The following CRYBB1 variants were observed in gnomAD, a reference collection of about 807,000 sequenced individuals.
CRYBB1 encodes the protein beta-crystallin B1.
CRYBB1 carries 16 observed loss-of-function variants against 29.5 expected under a neutral mutation model. That is an observed-to-expected ratio of 0.54 (90% CI 0.37 to 0.82). The LOEUF is 0.82. CRYBB1 is among the 40% of genes least tolerant of loss of function. The probability of loss-of-function intolerance (pLI) is 0.00; values close to 1 mark genes in which losing one functional copy is unlikely to be tolerated. For missense variants in CRYBB1, 300 were observed against 350.5 expected (o/e 0.86, Z 1.15); for synonymous variants, 127 against 136.7 (o/e 0.93, Z 0.49).
chr22:26,606,347 A>G (rs1434629548), intron 4 of CRYBB1, among the ~76,000 whole-genome samples: 1 of 152,256 alleles, frequency 6.6e-6, no homozygotes, highest in African/African-American at 2.4e-5. Flanking sequence ...ATATAATGAT[A>G]TCAATGCATT....
chr22:26,600,686 T>C (rs1187679572), intron 5 of CRYBB1, among the ~76,000 whole-genome samples: 1 of 152,256 alleles, frequency 6.6e-6, no homozygotes, highest in Non-Finnish European at 1.5e-5. Context: ...ATAGAAGTTA[T>C]CATCAGTGAT....
chr22:26,605,790 C>T (rs1016103501), intron 4 of CRYBB1, among the ~76,000 whole-genome samples: 3 of 150,704 alleles, frequency 2.0e-5, no homozygotes, highest in Non-Finnish European at 4.4e-5. Flanking sequence ...TCTAACTTCC[C>T]ACGACAGGGG....
At chr22:26,613,372 C>A (rs1447087288) in intron 2 of CRYBB1, among the ~76,000 whole-genome samples, 6 of 152,200 alleles carry the variant, frequency 3.9e-5, no homozygotes, top group Admixed American at 3.9e-4. Flanking sequence ...AAGAGAAACT[C>A]CTGTATGTGT....
chr22:26,616,125 C>T lies in CRYBB1; in HGVS notation c.180+15G>A, dbSNP rs2145972913. ...GAAGGCATGGCACCCAGCCACTGCA[C>T]CCCCAGGTCCTTACCCTGTAGTTCC... On this transcript the variant is annotated intron_variant, in intron 2 of 5. Transcript: ENST00000647684. 7 of 1,611,400 alleles carry T rather than the reference C, an allele frequency of 4.3e-6. No homozygotes were observed. In the Middle Eastern group the frequency reaches 8.3e-4, roughly 190 times the overall value.
intron 3 of CRYBB1, among the ~76,000 whole-genome samples, chr22:26,611,449 AGTTTGTTTTTTTTTTTTTT>A (rs1191443158): frequency 2.7e-5 from 4 of 146,232 alleles, no homozygotes; most frequent in Non-Finnish European, 6.0e-5. Flanking sequence ...AATGGGCTAG[AGTTTGTTTTTTTTTTTTTT>A]GTTTTTTTTT....
chr22:26,609,298 T>A (rs1929084424), intron 3 of CRYBB1, among the ~76,000 whole-genome samples: 1 of 152,206 alleles, frequency 6.6e-6, no homozygotes, highest in Non-Finnish European at 1.5e-5. Context: ...ATTAAAGATA[T>A]GTTTGTCTTC....
At position 26,599,556 on chromosome 22, in the gene CRYBB1, G is replaced by A. The variant is rs1483753353; in HGVS notation, c.693C>T (p.Arg231=). The A allele has an allele frequency of 6.2e-7, 1 of 1,614,180 alleles. No individual in the cohort carries two copies. Among genetic ancestry groups the A allele is most frequent in the East Asian group, 2.2e-5 (1 of 44,888 alleles). ...CGAGGTGCCACTGCTTGTCACGCAG[G>A]CGACGCAGGGACTGCATCTGTGGCT... ...AFQPQMQSLR[R]LRDKQWHLEG... is the part of the protein sequence containing the mutation. Residue 231 remains arginine, a synonymous_variant, in exon 6 of 6, where the codon CGC becomes CGT. Transcript: ENST00000647684.
intron 2 of CRYBB1, among the ~76,000 whole-genome samples, chr22:26,615,500 C>T (rs1929315565): frequency 6.6e-6 from 1 of 151,822 alleles, no homozygotes; most frequent in Admixed American, 6.6e-5. Context: ...ACTATAGGTC[C>T]CCTTTTTCTT....
chr22:26,607,527 A>G (rs1929015820), intron 4 of CRYBB1, among the ~76,000 whole-genome samples: 1 of 146,180 alleles, frequency 6.8e-6, no homozygotes, highest in Non-Finnish European at 1.5e-5. Context: ...ACTGTACACC[A>G]GGCTGGGGGA....
chr22:26,606,825 T>C (rs1569205128), intron 4 of CRYBB1, among the ~76,000 whole-genome samples: 1 of 152,202 alleles, frequency 6.6e-6, no homozygotes, highest in Non-Finnish European at 1.5e-5. Context: ...CTAACATTGG[T>C]GAGTAAGATG....
At chr22:26,615,341 T>C (rs1929309587) in intron 2 of CRYBB1, among the ~76,000 whole-genome samples, 3 of 152,148 alleles carry the variant, frequency 2.0e-5, no homozygotes, top group Non-Finnish European at 4.4e-5. Context: ...GCTGGTTCCC[T>C]GCTGCTAAGC....
chr22:26,601,393 A>G (rs1928814329), intron 5 of CRYBB1, among the ~76,000 whole-genome samples: 1 of 152,080 alleles, frequency 6.6e-6, no homozygotes, highest in Non-Finnish European at 1.5e-5. Context: ...CTAGCTGGCA[A>G]GACTGAGAGG....
rs963521060 is a variant in CRYBB1 at position 26,601,970 on chromosome 22, T to C, written c.484A>G (p.Asn162Asp). Residue 162 changes from asparagine to aspartate, a missense_variant, in exon 5 of 6, where the codon AAC (asparagine) becomes GAC (aspartate). Coordinates refer to ENST00000647684, the MANE Select transcript of CRYBB1 (RefSeq NM_001887.4). Reference sequence around the variant, plus strand: ...TCGTCCCCCTGGATCTCTATGGTGTTGCCCTTGAAGTTGGCCCCTTCAAAC... The same window carrying C: ...TCGTCCCCCTGGATCTCTATGGTGTCGCCCTTGAAGTTGGCCCCTTCAAAC... ...SLFEGANFKG[N>D]TIEIQGDDAP... 4.3e-6 allele frequency: 7 copies of C among 1,613,734 alleles called. No homozygotes were observed. Among genetic ancestry groups the C allele is most frequent in the Non-Finnish European group, 5.9e-6 (7 of 1,179,904 alleles).
chr22:26,602,986 G>A (rs563011338), intron 4 of CRYBB1, among the ~76,000 whole-genome samples: 22 of 151,826 alleles, frequency 1.4e-4, no homozygotes, highest in Non-Finnish European at 2.4e-4. Context: ...TTAGCCGGGC[G>A]TGGTGGTGGG....
chr22:26,612,088 T>C lies in CRYBB1; in HGVS notation c.283A>G (p.Ile95Val), dbSNP rs757482327. The C allele has an allele frequency of 1.2e-6, 2 of 1,612,954 alleles. No homozygotes were observed. Among genetic ancestry groups the C allele is most frequent in the African/African-American group, 1.3e-5 (1 of 74,850 alleles). The change falls in exon 3 of 6, where the codon ATT becomes GTT. Residue 95 changes from isoleucine (I) to valine (V), a missense_variant. By Grantham distance (29) the Ile-to-Val change is conservative. Coordinates refer to ENST00000647684, the MANE Select transcript of CRYBB1 (RefSeq NM_001887.4). ...AGTACTCACGGTCCCGCGGAGACAA[T>C]GATGCTGCGCACACGGTCGAAGCCA... is the stretch of plus-strand genomic sequence containing the variant. ...DRGFDRVRSIIVSAGPWVAFE... is the reference protein window; with the variant it reads ...DRGFDRVRSIVVSAGPWVAFE...
chr22:26,614,158 G>A (rs1929268794), intron 2 of CRYBB1, among the ~76,000 whole-genome samples: 1 of 152,176 alleles, frequency 6.6e-6, no homozygotes, highest in South Asian at 2.1e-4. Flanking sequence ...CCGGTCCTGT[G>A]ATCCTGTGAT....
At chr22:26,611,015 C>T (rs1196361121) in intron 3 of CRYBB1, among the ~76,000 whole-genome samples, 1 of 152,180 alleles carries the variant, frequency 6.6e-6, no homozygotes, top group Non-Finnish European at 1.5e-5. Flanking sequence ...CTGACCTCAG[C>T]ACACACAGGC....
intron 2 of CRYBB1, among the ~76,000 whole-genome samples, chr22:26,615,659 G>T (rs892926556): frequency 6.6e-6 from 1 of 151,952 alleles, no homozygotes; most frequent in Non-Finnish European, 1.5e-5. Context: ...GATTACAGGC[G>T]CCCACCACTA....
chr22:26,608,074 C>A (rs1929041248), intron 3 of CRYBB1, 53 bp from the exon 4 acceptor site: 4 of 1,613,240 alleles, frequency 2.5e-6, no homozygotes, highest in Non-Finnish European at 3.4e-6. Flanking sequence ...TTAGTAGAAG[C>A]CCCCACTCCC....
Sources: gnomAD v4.1 joint callset for allele counts (sites outside exome capture counted in the v4.1 genomes callset) on GRCh38, gnomAD v4.1.1 for gene constraint, MANE v1.5 for transcripts, NCBI Gene and HGNC (gene_info 2026-07-23, HGNC 2026-07-21) for gene names.